The following PTPN13 variants were observed in gnomAD, a reference collection of about 807,000 sequenced individuals.
The protein encoded by PTPN13 is tyrosine-protein phosphatase non-receptor type 13.
A neutral mutation model predicts 284.0 loss-of-function variants in PTPN13; 191 were observed. The observed-to-expected ratio is 0.67, with a 90% CI of 0.60 to 0.76. The LOEUF is 0.76. PTPN13 is among the 30% of genes least tolerant of loss of function. The pLI is 0.00. For synonymous variants in PTPN13, 986 were observed against 1,022.3 expected (o/e 0.96, Z 0.68); for missense variants, 2,797 against 2,939.9 (o/e 0.95, Z 1.12).
chr4:86,618,733 G>A (rs1253251007), intron 1 of PTPN13, among the ~76,000 whole-genome samples: 3 of 152,140 alleles, frequency 2.0e-5, no homozygotes, highest in African/African-American at 7.2e-5. Context: ...CTGTTTGTCT[G>A]TTATTGATGT....
intron 3 of PTPN13, among the ~76,000 whole-genome samples, chr4:86,676,543 CAA>C (rs1017194086): frequency 1.3e-5 from 2 of 152,116 alleles, no homozygotes; most frequent in South Asian, 2.1e-4. Flanking sequence ...AGCAGGAACT[CAA>C]AGAGATATTT....
At chr4:86,735,869 T>C (rs1735437537) in intron 15 of PTPN13, 123 bp downstream of exon 15, 1 of 818,666 alleles carries the variant, frequency 1.2e-6, no homozygotes, top group African/African-American at 1.8e-5. Context: ...TCTCATCTCA[T>C]TGCTGGCTAA....
intron 27 of PTPN13, 57 bp from the exon 28 acceptor site, chr4:86,767,760 T>G: frequency 4.5e-6 from 6 of 1,339,462 alleles, no homozygotes; most frequent in Non-Finnish European, 6.0e-6. Flanking sequence ...GTCCTGAAAA[T>G]GTATCTATTT....
intron 43 of PTPN13, among the ~76,000 whole-genome samples, 175 bp downstream of exon 43, chr4:86,804,032 G>C (rs1290567097): frequency 6.6e-6 from 1 of 151,264 alleles, no homozygotes; most frequent in Non-Finnish European, 1.5e-5. Flanking sequence ...CCCAATAATA[G>C]TGATTTAAAG....
Position 86,770,157 on chromosome 4 carries a change from A to G in PTPN13, c.4761A>G (p.Arg1587=), listed in dbSNP as rs1002232968. The stretch of plus-strand genomic sequence containing the variant: ...CAGAAGTATTCTTGCTTCTCTGCAG[A>G]CCTCCACCTGGTGTGCTACCGGAAA... ...TAPEVFLLLC[R]PPPGVLPEID... Residue 1587 remains arginine (R), a synonymous_variant, in exon 30 of 48, where the codon AGA becomes AGG. Transcript: ENST00000411767. 2 of 1,613,738 alleles carry G rather than the reference A, an allele frequency of 1.2e-6. No individual in the cohort carries two copies. Among genetic ancestry groups the G allele is most frequent in the Non-Finnish European group, 8.5e-7 (1 of 1,179,816 alleles).
chr4:86,707,111 AC>A (rs1452855844), intron 7 of PTPN13, among the ~76,000 whole-genome samples: 1 of 152,068 alleles, frequency 6.6e-6, no homozygotes, highest in African/African-American at 2.4e-5. Context: ...TGAGAGATTG[AC>A]TTGGAACCAG....
At chr4:86,644,299 A>G (rs1724158849) in intron 2 of PTPN13, among the ~76,000 whole-genome samples, 1 of 151,600 alleles carries the variant, frequency 6.6e-6, no homozygotes, top group African/African-American at 2.4e-5. Flanking sequence ...GCTCGGCCAA[A>G]TTTTTTTTGT....
intron 7 of PTPN13, among the ~76,000 whole-genome samples, chr4:86,704,208 A>G (rs564722459): frequency 6.6e-6 from 1 of 152,224 alleles, no homozygotes; most frequent in East Asian, 1.9e-4. Context: ...TATAATTTCT[A>G]ATGTTTTTAT....
chr4:86,668,598 C>CT (rs1221806492), intron 2 of PTPN13, among the ~76,000 whole-genome samples: 3 of 151,358 alleles, frequency 2.0e-5, no homozygotes, highest in African/African-American at 7.3e-5. Context: ...TGTTTTCTTT[C>CT]TTTTCTTTTT....
chr4:86,646,044 CT>C (rs1724384803), intron 2 of PTPN13, among the ~76,000 whole-genome samples: 1 of 151,798 alleles, frequency 6.6e-6, no homozygotes, highest in South Asian at 2.1e-4. Context: ...GAAAGATGCC[CT>C]TTTCAATGAA....
chr4:86,694,648 T>A (rs1730411696), intron 6 of PTPN13, among the ~76,000 whole-genome samples: 1 of 151,720 alleles, frequency 6.6e-6, no homozygotes, highest in African/African-American at 2.4e-5. Context: ...AATATAATTT[T>A]ATGTGACAAT....
Position 86,734,380 on chromosome 4 carries a change from A to G in PTPN13, c.1936A>G (p.Lys646Glu), listed in dbSNP as rs1340341991. The G allele has an allele frequency of 6.4e-7, 1 of 1,562,332 alleles. No homozygotes were observed. Among genetic ancestry groups the G allele is most frequent in the Non-Finnish European group, 8.7e-7 (1 of 1,151,388 alleles). ...APEGWKEEPK[K>E]KTKATVNFTL... Reference sequence around the variant, plus strand: ...AGAGGGATGGAAAGAAGAACCAAAGAAAAAGACCAAAGCCACTGTTAATTT... The same window carrying G: ...AGAGGGATGGAAAGAAGAACCAAAGGAAAAGACCAAAGCCACTGTTAATTT... The change falls in exon 13 of 48, where the codon AAA becomes GAA. Residue 646 changes from lysine to glutamate, a missense_variant. Transcript: ENST00000411767.
At chr4:86,799,334 CT>C in intron 42 of PTPN13, 130 bp downstream of exon 42, 6 of 368,056 alleles carry the variant, frequency 1.6e-5, no homozygotes, top group Non-Finnish European at 2.6e-5. Flanking sequence ...TTTTTTTTTT[CT>C]TTTTTTGAGA....
chr4:86,776,823 G>A (rs764633820), intron 35 of PTPN13, among the ~76,000 whole-genome samples: 10 of 152,198 alleles, frequency 6.6e-5, no homozygotes, highest in Non-Finnish European at 7.3e-5. Context: ...CAGGATGATT[G>A]TATGAGTATT....
chr4:86,761,139 A>AATATATATACATAT (rs1554335781), intron 23 of PTPN13, among the ~76,000 whole-genome samples: 1 of 120,694 alleles, frequency 8.3e-6, no homozygotes, highest in African/African-American at 3.2e-5. Context: ...TGTGTGTGTA[A>AATATATATACATAT]ATATATATAT....
At chr4:86,626,662 A>G (rs1468223015) in intron 1 of PTPN13, among the ~76,000 whole-genome samples, 1 of 152,082 alleles carries the variant, frequency 6.6e-6, no homozygotes, top group African/African-American at 2.4e-5. Context: ...GTTGGTGGGG[A>G]TGTAAAATGG....
intron 6 of PTPN13, among the ~76,000 whole-genome samples, chr4:86,695,280 T>C (rs1440260791): frequency 6.6e-6 from 1 of 152,122 alleles, no homozygotes; most frequent in Non-Finnish European, 1.5e-5. Flanking sequence ...AAAATAACAG[T>C]GTGGTAACAA....
At position 86,701,516 on chromosome 4, in the gene PTPN13, G is replaced by C; in HGVS notation, c.910G>C (p.Asp304His). 6.2e-7 allele frequency: 1 copy of C among 1,613,952 alleles called. No homozygotes were observed. The change falls in exon 7 of 48, where the codon GAC becomes CAC. Residue 304 changes from aspartate to histidine, a missense_variant. Asp to His is a moderately conservative substitution (Grantham distance 81, BLOSUM62 -1). Coordinates refer to ENST00000411767, the MANE Select transcript of PTPN13 (RefSeq NM_080683.3). Reference sequence around the variant, plus strand: ...GAAGAAGATCTGGGCTTCATCCATGGACTTGCTTTGTACAGCTGACAGAGA... The same window carrying C: ...GAAGAAGATCTGGGCTTCATCCATGCACTTGCTTTGTACAGCTGACAGAGA... ...SKKKIWASSM[D>H]LLCTADRDFS... is the part of the protein sequence containing the mutation.
chr4:86,691,404 TAGAA>T (rs1208649343), intron 5 of PTPN13, among the ~76,000 whole-genome samples: 5 of 151,770 alleles, frequency 3.3e-5, no homozygotes, highest in Admixed American at 2.0e-4. Flanking sequence ...GAGAGAAAAA[TAGAA>T]GGATCAGTTG....
Sources: allele counts gnomAD v4.1 joint callset (sites outside exome capture counted in the v4.1 genomes callset), GRCh38; gene constraint gnomAD v4.1.1; transcripts MANE v1.5; gene names NCBI Gene and HGNC (gene_info 2026-07-23, HGNC 2026-07-21).